The following ATL2 variants were observed in gnomAD, a reference collection of about 807,000 sequenced individuals.
ATL2 encodes the protein atlastin-2.
In ATL2, 31 loss-of-function variants were observed where a neutral mutation model predicts 73.9. The observed-to-expected ratio is 0.42, with a 90% CI of 0.32 to 0.57. The LOEUF (loss-of-function observed/expected upper bound fraction) is 0.57, where lower values mean the gene tolerates loss of function less well. ATL2 is among the 20% of genes least tolerant of loss of function. The probability of loss-of-function intolerance (pLI) is 0.14; values close to 1 mark genes in which losing one functional copy is unlikely to be tolerated. For missense variants in ATL2, 738 were observed against 702.6 expected, an observed-to-expected ratio of 1.05 and a Z score of -0.57; for synonymous variants, 291 against 237.5, an observed-to-expected ratio of 1.23 and a Z score of -2.07.
intron 7 of ATL2, among the ~76,000 whole-genome samples, chr2:38,312,598 C>G (rs1181172316): frequency 6.6e-6 from 1 of 151,682 alleles, no homozygotes; most frequent in Non-Finnish European, 1.5e-5. Flanking sequence ...GTAATCCCAG[C>G]TACGGGAGGC....
intron 1 of ATL2, among the ~76,000 whole-genome samples, chr2:38,364,481 G>C (rs920226756): frequency 4.6e-5 from 7 of 152,124 alleles, no homozygotes; most frequent in Non-Finnish European, 8.8e-5. Flanking sequence ...AAGTCAAGAG[G>C]TGACAGTAAA....
At position 38,315,517 on chromosome 2, in the gene ATL2, T is replaced by C. The variant is rs563115616; in HGVS notation, c.604-183A>G. Among the ~76,000 whole-genome samples the C allele has an allele frequency of 9.2e-5, 14 of 152,222 alleles. No individual in the cohort carries two copies. The South Asian group carries it at 2.7e-3, about 29-fold the overall frequency. ...TCTTTTTTCCTAACAATAGTCAAGA[T>C]AGAATATTAAGGAAGAAGCAGTGGT... is the stretch of plus-strand genomic sequence containing the variant. On this transcript the variant is annotated intron_variant, in intron 4 of 12. Coordinates refer to ENST00000378954, the MANE Select transcript of ATL2 (RefSeq NM_001135673.4).
intron 7 of ATL2, among the ~76,000 whole-genome samples, chr2:38,312,644 G>A (rs1274268057): frequency 2.0e-5 from 3 of 151,534 alleles, no homozygotes; most frequent in Non-Finnish European, 1.5e-5. Flanking sequence ...GGGAAGCGGA[G>A]GTTGCAGTGA....
At chr2:38,371,939 A>G (rs571429639) in intron 1 of ATL2, among the ~76,000 whole-genome samples, 3 of 152,208 alleles carry the variant, frequency 2.0e-5, no homozygotes, top group African/African-American at 7.2e-5. Context: ...TAGACCTAGT[A>G]TTAAAATCCA....
rs568753726 is a variant in ATL2, at chr2:38,294,088, G to C, written c.*1906C>G. The stretch of plus-strand genomic sequence containing the variant: ...AGAAGAAATAAAAAGACACTTTTCA[G>C]GTGGATTCTTTAAGAACAGATAAGT... On this transcript the variant is annotated 3_prime_UTR_variant, in exon 13 of 13. Transcript: ENST00000378954. 6.6e-6 allele frequency among the ~76,000 whole-genome samples: 1 copy of C among 152,298 alleles called. No individual in the cohort carries two copies. Among genetic ancestry groups the C allele is most frequent in the East Asian group, 1.9e-4 (1 of 5,196 alleles).
chr2:38,299,186 TTTTAA>T, intron 11 of ATL2, 65 bp downstream of exon 11: 1 of 1,376,652 alleles, frequency 7.3e-7, no homozygotes, highest in Non-Finnish European at 9.5e-7. Context: ...TAAAAAATTT[TTTTAA>T]TTTTTTTTTT....
chr2:38,296,777 ATT>A, intron 12 of ATL2: 1 of 1,545,122 alleles, frequency 6.5e-7, no homozygotes, highest in Non-Finnish European at 8.7e-7. Context: ...TGACTAGCTG[ATT>A]ACCTTACCTA....
rs1666809156 is a variant in ATL2 at position 38,294,931 on chromosome 2, C to T, written c.*1063G>A. The T allele has an allele frequency of 1.5e-5, 2 of 130,398 alleles. No individual in the cohort carries two copies. Among genetic ancestry groups the T allele is most frequent in the Non-Finnish European group, 3.1e-5 (2 of 64,050 alleles). The allele number at this position is 130,398 out of a possible 1,614,324, so 8.1% of individuals were successfully genotyped here. A position where few individuals can be genotyped will look rare whatever the true frequency, so the allele number is the denominator to read the frequency against. On this transcript the variant is annotated 3_prime_UTR_variant, in exon 13 of 13. Coordinates refer to ENST00000378954, the MANE Select transcript of ATL2 (RefSeq NM_001135673.4). ...TTAATTATGTACTGAAAATAAATTA[C>T]AGGAAATAACTTTAAAATGCAACAG...
intron 11 of ATL2, 97 bp from the exon 12 acceptor site, chr2:38,298,672 T>G (rs761620140): frequency 1.5e-5 from 19 of 1,264,020 alleles, no homozygotes; most frequent in Non-Finnish European, 1.9e-5. Context: ...TCAAACCACT[T>G]ACATGATTGA....
At position 38,377,219 on chromosome 2, in the gene ATL2, G is replaced by C. The variant is rs774275885; in HGVS notation, c.42C>G (p.His14Gln). 9 of 1,607,384 alleles carry C rather than the reference G, an allele frequency of 5.6e-6. 1 individual carries two copies. In the South Asian group the frequency reaches 8.9e-5, roughly 16 times the overall value. ...TCCGTCGCCGGCGCCACAGCCCCTG[G>C]TGCGGTTGCTGCCCTCGCGCTGCCT... ...GDEAARGQQP[H>Q]QGLWRRRRTS... Residue 14 changes from histidine (H) to glutamine (Q), a missense_variant, in exon 1 of 13, where the codon CAC becomes CAG. Transcript: ENST00000378954.
intron 4 of ATL2, among the ~76,000 whole-genome samples, chr2:38,316,993 C>T (rs1466776371): frequency 6.6e-6 from 1 of 152,076 alleles, no homozygotes; most frequent in Admixed American, 6.5e-5. Context: ...AATATCCCAA[C>T]CCTATAATAA....
At chr2:38,320,931 G>C (rs972146866) in intron 2 of ATL2, among the ~76,000 whole-genome samples, 4 of 151,656 alleles carry the variant, frequency 2.6e-5, no homozygotes, top group African/African-American at 9.7e-5. Context: ...GATCACTTGA[G>C]GCTAGGAGTT....
In ATL2 at chr2:38,298,670, CTT is replaced by C. The variant is rs752954030; in HGVS notation, c.1201-97_1201-96del. On this transcript the variant is annotated intron_variant, in intron 11 of 12. Transcript: ENST00000378954. Reference sequence around the variant, plus strand: ...TTTTTAGTCTCAGAAAGTCAAACCACTTACATGATTGAGTCAGTTTTAAACTC... The same window carrying C: ...TTTTTAGTCTCAGAAAGTCAAACCACACATGATTGAGTCAGTTTTAAACTC... 127 of 1,296,662 alleles carry C rather than the reference CTT, an allele frequency of 9.8e-5. 1 individual carries two copies. The highest frequency in any genetic ancestry group is 1.3e-4 in the Admixed American group (6 of 44,460). The allele number at this position is 1,296,662 out of a possible 1,614,324, so 80.3% of individuals were successfully genotyped here.
At chr2:38,319,259 C>G (rs1045820967) in intron 2 of ATL2, among the ~76,000 whole-genome samples, 1 of 152,152 alleles carries the variant, frequency 6.6e-6, no homozygotes, top group Non-Finnish European at 1.5e-5. Flanking sequence ...CTACTACTCT[C>G]TAGGCTTCTA....
At chr2:38,369,204 C>T (rs1387032918) in intron 1 of ATL2, among the ~76,000 whole-genome samples, 1 of 152,016 alleles carries the variant, frequency 6.6e-6, no homozygotes, top group Non-Finnish European at 1.5e-5. Flanking sequence ...AATCCCAGCA[C>T]TTTGGGAGGC....
chr2:38,332,010 T>C (rs1438878810), intron 2 of ATL2, among the ~76,000 whole-genome samples: 2 of 152,156 alleles, frequency 1.3e-5, no homozygotes, highest in Non-Finnish European at 2.9e-5. Context: ...TACTGATACA[T>C]GCTATAATAT....
Position 38,309,422 on chromosome 2 carries a change from C to G in ATL2, c.1028G>C (p.Ser343Thr), listed in dbSNP as rs1171304048. The G allele has an allele frequency of 6.2e-7, 1 of 1,612,304 alleles. No homozygotes were observed. The highest frequency in any genetic ancestry group is 1.1e-5 in the South Asian group (1 of 91,026). The change falls in exon 9 of 13, where the codon AGT becomes ACT. Residue 343 changes from serine to threonine, a missense_variant. By Grantham distance (58) the Ser-to-Thr change is moderately conservative (BLOSUM62 1). Coordinates refer to ENST00000378954, the MANE Select transcript of ATL2 (RefSeq NM_001135673.4). ...ATCTCTACAAGTGACTTTAGATCCA[C>G]TTATCTCTTTTTCTACCAAATTTTC... ...APENLVEKEI[S>T]GSKVTCRDLV...
chr2:38,300,955 G>A (rs940474469), intron 9 of ATL2, among the ~76,000 whole-genome samples: 2 of 150,626 alleles, frequency 1.3e-5, no homozygotes, highest in African/African-American at 4.9e-5. Flanking sequence ...AGTCCATATA[G>A]GGTCTTTCAT....
chr2:38,363,732 C>G (rs992948077), intron 1 of ATL2, among the ~76,000 whole-genome samples: 4 of 152,232 alleles, frequency 2.6e-5, no homozygotes, highest in Non-Finnish European at 5.9e-5. Flanking sequence ...ACCTACTTCA[C>G]ACTGGTAACT....
Sources: allele counts gnomAD v4.1 joint callset (sites outside exome capture counted in the v4.1 genomes callset), GRCh38; gene constraint gnomAD v4.1.1; transcripts MANE v1.5; gene names NCBI Gene and HGNC (gene_info 2026-07-23, HGNC 2026-07-21).